MGAT4B: variants seen among roughly 807,000 people sequenced by gnomAD.
The protein encoded by MGAT4B is alpha-1,3-mannosyl-glycoprotein 4-beta-N-acetylglucosaminyltransferase B.
MGAT4B carries 38 observed loss-of-function variants against 73.9 expected under a neutral mutation model. The ratio of observed to expected loss-of-function variants is 0.51; its 90% confidence interval spans 0.40 to 0.67. The LOEUF is 0.67. Among genes scored for constraint, MGAT4B ranks in the 30% least tolerant of loss-of-function variants. The pLI, the probability that MGAT4B is intolerant of heterozygous loss-of-function variation, is 0.00. For synonymous variants in MGAT4B, 373 were observed against 313.5 expected (o/e 1.19, Z -2.01); for missense variants, 686 against 735.2 (o/e 0.93, Z 0.77).
chr5:179,800,450 C>T lies in MGAT4B; in HGVS notation c.719+34G>A, dbSNP rs750151271. The T allele has an allele frequency of 1.1e-5, 17 of 1,485,698 alleles. No individual in the cohort carries two copies. In the East Asian group the frequency reaches 1.8e-4, roughly 16 times the overall value. 92.0% of individuals were successfully genotyped at this position (1,485,698 alleles called of 1,614,324 possible). ...TAGATGGGTTCTCAGCACAGGCAGG[C>T]GGGTTGCTGAGGGTATGGGGGAGTA... On this transcript the variant is annotated intron_variant, in intron 6 of 14. Transcript: ENST00000292591.
At chr5:179,799,804 C>A in intron 8 of MGAT4B, 150 bp downstream of exon 8, 1 of 1,239,434 alleles carries the variant, frequency 8.1e-7, no homozygotes, top group Non-Finnish European at 1.1e-6. Context: ...GATGCACAGG[C>A]AATGAGAACA....
intron 1 of MGAT4B, chr5:179,804,859 C>G (rs931162086): frequency 2.6e-5 from 4 of 152,238 alleles, no homozygotes; most frequent in African/African-American, 7.2e-5. Flanking sequence ...TTGAGGCCTC[C>G]AAAGACCTGG....
chr5:179,803,418 G>C (rs1428145239), intron 1 of MGAT4B: 1 of 274,114 alleles, frequency 3.6e-6, no homozygotes, highest in Non-Finnish European at 5.6e-6. Context: ...CTCACCCATT[G>C]CTGGGTGACA....
At position 179,800,002 on chromosome 5, in the gene MGAT4B, G is replaced by T; in HGVS notation, c.862C>A (p.Pro288Thr). 6.2e-7 allele frequency: 1 copy of T among 1,614,028 alleles called. No individual in the cohort carries two copies. The highest frequency in any genetic ancestry group is 8.5e-7 in the Non-Finnish European group (1 of 1,180,008). ...STMKNFALQQ[P>T]SEDWMILEFS... ...TCCAGGATCATCCAGTCCTCTGAAGGCTGCTGCAGTGCAAAGTTCTTCATG... is the reference window on the plus strand; with the variant it reads ...TCCAGGATCATCCAGTCCTCTGAAGTCTGCTGCAGTGCAAAGTTCTTCATG... The change falls in exon 8 of 15, where the codon CCT becomes ACT. Residue 288 changes from proline to threonine, a missense_variant. Physicochemically the swap from Pro to Thr is conservative, Grantham distance 38. Transcript: ENST00000292591.
Position 179,806,537 on chromosome 5 carries a change from A to G in MGAT4B, c.47T>C (p.Leu16Pro). The G allele has an allele frequency of 7.5e-7, 1 of 1,334,858 alleles. No homozygotes were observed. Among genetic ancestry groups the G allele is most frequent in the Non-Finnish European group, 9.8e-7 (1 of 1,017,188 alleles). The allele number at this position is 1,334,858 out of a possible 1,614,324, so 82.7% of individuals were successfully genotyped here. The change falls in exon 1 of 15, where the codon CTG becomes CCG. Residue 16 changes from leucine (L) to proline (P), a missense_variant. Leu to Pro is a moderately conservative substitution (Grantham distance 98). This residue lies in a region of MGAT4B where 237 missense variants were observed against 198.5 expected (regional missense o/e 1.19). Transcript: ENST00000292591. This position sits in a 1 kb window ranked among gnomAD's most constrained non-coding sequence, Gnocchi z 4.6. ...GTFLTLLLFC[L>P]CAFLSLSWYA... ...CCAGGACAGCGAGAGGAAGGCGCAC[A>G]GGCAGAAGAGCAGCAGCGTCAGGAA...
intron 1 of MGAT4B, chr5:179,803,884 TCTGA>T (rs1262798236): frequency 2.0e-5 from 3 of 153,344 alleles, no homozygotes; most frequent in African/African-American, 4.8e-5. Context: ...CCTCAGCTTC[TCTGA>T]CTGTGGGTCC....
chr5:179,800,507 A>G lies in MGAT4B; in HGVS notation c.696T>C (p.Phe232=), dbSNP rs1356609314. ...ACCTGACTCTCTCCTTGGGGTCCCC[A>G]AAGGACTCTCGGAGGCGGGAGAAGT... The part of the protein sequence containing the change: ...YPDFSRLRES[F]GDPKERVRWR... The change falls in exon 6 of 15, where the codon TTT becomes TTC. Residue 232 remains phenylalanine (F), a synonymous_variant. Coordinates refer to ENST00000292591, the MANE Select transcript of MGAT4B (RefSeq NM_014275.5). 1.9e-6 allele frequency: 3 copies of G among 1,610,026 alleles called. No individual in the cohort carries two copies. The highest frequency in any genetic ancestry group is 1.7e-5 in the Admixed American group (1 of 59,550).
Position 179,799,013 on chromosome 5 carries a change from G to A in MGAT4B, c.1258C>T (p.Leu420=), listed in dbSNP as rs769950703. The change falls in exon 11 of 15, where the codon CTG becomes TTG. Residue 420 remains leucine, a synonymous_variant. Transcript: ENST00000292591. ...YQHFTLEKAY[L]REDFFWAFTP... ...AAGGCCCAGAAGAAGTCCTCGCGCA[G>A]GTAGGCTTTCTCCAGGGTGAAGTGC... 3.1e-6 allele frequency: 5 copies of A among 1,613,936 alleles called. No homozygotes were observed. The highest frequency in any genetic ancestry group is 4.2e-6 in the Non-Finnish European group (5 of 1,180,036).
rs759804491 is a variant in MGAT4B at position 179,800,523 on chromosome 5, C to T, written c.680G>A (p.Arg227His). 32 of 1,611,236 alleles carry T rather than the reference C, an allele frequency of 2.0e-5. No individual in the cohort carries two copies. The highest frequency in any genetic ancestry group is 1.1e-4 in the East Asian group (5 of 44,830). Residue 227 changes from arginine (R) to histidine (H), a missense_variant, in exon 6 of 15, where the codon CGC (arginine) becomes CAC (histidine). By Grantham distance (29) the Arg-to-His change is conservative. Around this residue, in one of 2 missense-constraint regions of MGAT4B, gnomAD observed 449 missense variants for 536.8 expected, o/e 0.84. Transcript: ENST00000292591. ...GGGGTCCCCAAAGGACTCTCGGAGG[C>T]GGGAGAAGTCAGGGTAGAAGTGGGG... ...PSPHFYPDFS[R>H]LRESFGDPKE...
Position 179,798,588 on chromosome 5 carries a change from G to C in MGAT4B, c.1347C>G (p.Phe449Leu), listed in dbSNP as rs1342944016. ...GCTCGATGTTCCCACTGCGGAAGAA[G>C]AACCTGCAGCCAGGCAGGCCTGTGA... is the stretch of plus-strand genomic sequence containing the variant. The part of the protein sequence containing the change: ...RFFQPLRLER[F>L]FFRSGNIEHP... The change falls in exon 12 of 15, where the codon TTC (phenylalanine) becomes TTG (leucine). Residue 449 changes from phenylalanine (F) to leucine (L), a missense_variant. This residue lies in a region of MGAT4B where 449 missense variants were observed against 536.8 expected (regional missense o/e 0.84). Coordinates refer to ENST00000292591, the MANE Select transcript of MGAT4B (RefSeq NM_014275.5). 6.2e-7 allele frequency: 1 copy of C among 1,613,278 alleles called. No homozygotes were observed. The highest frequency in any genetic ancestry group is 1.3e-5 in the African/African-American group (1 of 74,946).
rs1030071354 is a variant in MGAT4B at position 179,806,556 on chromosome 5, T to C, written c.28A>G (p.Thr10Ala). 2.3e-6 allele frequency: 3 copies of C among 1,318,886 alleles called. No homozygotes were observed. Among genetic ancestry groups the C allele is most frequent in the South Asian group, 1.4e-5 (1 of 69,280 alleles). 81.7% of individuals were successfully genotyped at this position (1,318,886 alleles called of 1,614,324 possible). A position where few individuals can be genotyped will look rare whatever the true frequency, so the allele number is the denominator to read the frequency against. The part of the protein sequence containing the change: MRLRNGTFL[T>A]LLLFCLCAFL... ...GCGCACAGGCAGAAGAGCAGCAGCGTCAGGAAGGTGCCATTGCGGAGCCTC... is the reference window on the plus strand; with the variant it reads ...GCGCACAGGCAGAAGAGCAGCAGCGCCAGGAAGGTGCCATTGCGGAGCCTC... Residue 10 changes from threonine (T) to alanine (A), a missense_variant, in exon 1 of 15, where the codon ACG becomes GCG. Physicochemically the swap from Thr to Ala is moderately conservative, Grantham distance 58. Around this residue, in one of 2 missense-constraint regions of MGAT4B, gnomAD observed 237 missense variants for 198.5 expected, o/e 1.19. Coordinates refer to ENST00000292591, the MANE Select transcript of MGAT4B (RefSeq NM_014275.5). The surrounding 1 kb of genome is among the most constrained non-coding windows in gnomAD (Gnocchi z 4.6).
rs1309951708 is a variant in MGAT4B at position 179,806,018 on chromosome 5, C to A, written c.97+469G>T. ...CCTCCCTCCCACAGGCCGGATGCTG[C>A]CGACGCGTTCTGGGCGCCGAAGGGA... On this transcript the variant is annotated intron_variant, in intron 1 of 14. Transcript: ENST00000292591. The surrounding 1 kb of genome is among the most constrained non-coding windows in gnomAD (Gnocchi z 4.6). Among the ~76,000 whole-genome samples the A allele has an allele frequency of 3.3e-5, 5 of 149,616 alleles. No homozygotes were observed. Among genetic ancestry groups the A allele is most frequent in the African/African-American group, 1.2e-4 (5 of 41,050 alleles).
Position 179,806,403 on chromosome 5 carries a change from CGCCTTCCGCG to C in MGAT4B, c.97+74_97+83del. The stretch of plus-strand genomic sequence containing the variant: ...AGGGGCGCCTGCGTCGGCTTCCGGC[CGCCTTCCGCG>C]GCCACCGCCGGGCCCGCTCCCGCCG... On this transcript the variant is annotated intron_variant, in intron 1 of 14. Transcript: ENST00000292591. This position sits in a 1 kb window ranked among gnomAD's most constrained non-coding sequence, Gnocchi z 4.6. 1 of 869,162 alleles carries C rather than the reference CGCCTTCCGCG, an allele frequency of 1.2e-6. No individual in the cohort carries two copies. The highest frequency in any genetic ancestry group is 1.4e-6 in the Non-Finnish European group (1 of 698,556). 53.8% of individuals were successfully genotyped at this position (869,162 alleles called of 1,614,324 possible). A position where few individuals can be genotyped will look rare whatever the true frequency, so the allele number is the denominator to read the frequency against.
chr5:179,798,488 T>C (rs1218672715), intron 12 of MGAT4B, 25 bp downstream of exon 12: 3 of 1,613,292 alleles, frequency 1.9e-6, no homozygotes, highest in East Asian at 2.2e-5. Context: ...CCGGCTTCAG[T>C]GCACACCACA....
chr5:179,797,888 C>T lies in MGAT4B; in HGVS notation c.*157G>A. On this transcript the variant is annotated 3_prime_UTR_variant, in exon 15 of 15. Transcript: ENST00000292591. ...CGGGGGCAGCACCAGCTCCTAGGGC[C>T]TCCGGGCCAGCGGCGGACCCCAGGC... 9.2e-7 allele frequency: 1 copy of T among 1,091,756 alleles called. No homozygotes were observed. 67.6% of individuals were successfully genotyped at this position (1,091,756 alleles called of 1,614,324 possible). A position where few individuals can be genotyped will look rare whatever the true frequency, so the allele number is the denominator to read the frequency against.
intron 1 of MGAT4B, chr5:179,802,909 T>C (rs1449343277): frequency 1.0e-6 from 1 of 985,344 alleles, no homozygotes; most frequent in Non-Finnish European, 1.2e-6. Flanking sequence ...TGTTTCCAAG[T>C]CTCCAAGTTT....
chr5:179,798,688 C>T, intron 11 of MGAT4B, 97 bp from the exon 12 acceptor site: 1 of 1,377,430 alleles, frequency 7.3e-7, no homozygotes, highest in South Asian at 1.2e-5. Context: ...CCAGGAGGGC[C>T]CCCCAGGCAG....
chr5:179,802,615 G>A, intron 1 of MGAT4B: 3 of 989,316 alleles, frequency 3.0e-6, no homozygotes, highest in Non-Finnish European at 3.6e-6. Context: ...TGTCTCTGGA[G>A]ACCTGTGCTG....
Position 179,801,315 on chromosome 5 carries a change from C to T in MGAT4B, c.558+19G>A, listed in dbSNP as rs771069381. ...GGCTCCTCTGAATGTCCCCCAACCC[C>T]GCGTCCCGGCTCACTCGCCTCGGCG... is the stretch of plus-strand genomic sequence containing the variant. On this transcript the variant is annotated intron_variant, in intron 4 of 14. Transcript: ENST00000292591. This position sits in a 1 kb window ranked among gnomAD's most constrained non-coding sequence, Gnocchi z 4.8. 3.1e-6 allele frequency: 5 copies of T among 1,600,200 alleles called. No individual in the cohort carries two copies. Among genetic ancestry groups the T allele is most frequent in the African/African-American group, 1.3e-5 (1 of 74,708 alleles).
Sources: allele counts gnomAD v4.1 joint callset (sites outside exome capture counted in the v4.1 genomes callset), GRCh38; gene constraint gnomAD v4.1.1; regional missense constraint gnomAD v4.1.1; non-coding constraint Gnocchi (gnomAD v3.1); transcripts MANE v1.5; gene names NCBI Gene and HGNC (gene_info 2026-07-23, HGNC 2026-07-21).